The following PPIH variants were observed in gnomAD, a reference collection of about 807,000 sequenced individuals.
The protein encoded by PPIH is peptidyl-prolyl cis-trans isomerase H.
Under a neutral mutation model 27.6 loss-of-function variants are expected in PPIH, and 16 were observed. The observed-to-expected ratio is 0.58, with a 90% CI of 0.39 to 0.88. The LOEUF is 0.88. Among genes scored for constraint, PPIH ranks in the 40% least tolerant of loss-of-function variants. The pLI, the probability that PPIH is intolerant of heterozygous loss-of-function variation, is 0.00. For synonymous variants in PPIH, 63 were observed against 76.1 expected, an observed-to-expected ratio of 0.83 and a Z score of 0.90; for missense variants, 155 against 224.1, an observed-to-expected ratio of 0.69 and a Z score of 1.97.
chr1:42,671,628 G>A (rs1371186592), intron 9 of PPIH, among the ~76,000 whole-genome samples: 4 of 152,008 alleles, frequency 2.6e-5, no homozygotes, highest in Non-Finnish European at 5.9e-5. Flanking sequence ...TCCTGTGCCC[G>A]GATAATGAGC....
chr1:42,678,078 C>G (rs889840056), downstream of PPIH, among the ~76,000 whole-genome samples: 1 of 152,170 alleles, frequency 6.6e-6, no homozygotes, highest in Non-Finnish European at 1.5e-5. Context: ...ATTTGCAACT[C>G]TAGCCAAGGA....
chr1:42,660,799 T>G, intron 4 of PPIH, 63 bp from the exon 5 acceptor site: 1 of 1,344,694 alleles, frequency 7.4e-7, no homozygotes. Flanking sequence ...AATACAATAA[T>G]AACAACATCT....
chr1:42,671,097 A>G (rs1358121263), intron 9 of PPIH, among the ~76,000 whole-genome samples: 1 of 147,472 alleles, frequency 6.8e-6, no homozygotes, highest in Non-Finnish European at 1.5e-5. Context: ...TTCCCAGCCT[A>G]TTTTTTTTTT....
rs1392820946 is a variant in PPIH at position 42,669,044 on chromosome 1, T to C, written c.*21+1604T>C. Reference sequence around the variant, plus strand: ...GGGCAACCTGGTGAGATCCCGTCTTTCCAAAAAAAAAAAAAATTAGCCAGG... The same window carrying C: ...GGGCAACCTGGTGAGATCCCGTCTTCCCAAAAAAAAAAAAAATTAGCCAGG... On this transcript the variant is annotated intron_variant, in intron 9 of 9. Coordinates refer to ENST00000304979, the MANE Select transcript of PPIH (RefSeq NM_006347.4). Among the ~76,000 whole-genome samples the C allele has an allele frequency of 2.8e-5, 4 of 141,602 alleles. No individual in the cohort carries two copies. The Admixed American group carries it at 2.8e-4, about 10-fold the overall frequency. The allele number at this position is 141,602 out of a possible 152,430, so 92.9% of individuals were successfully genotyped here. A position where few individuals can be genotyped will look rare whatever the true frequency, so the allele number is the denominator to read the frequency against.
At chr1:42,664,540 G>A (rs1020678254) in intron 5 of PPIH, among the ~76,000 whole-genome samples, 5 of 152,188 alleles carry the variant, frequency 3.3e-5, no homozygotes, top group African/African-American at 1.2e-4. Flanking sequence ...AGAGTCTTCA[G>A]GAATGGCAAG....
intron 5 of PPIH, among the ~76,000 whole-genome samples, chr1:42,661,109 T>A (rs1362513846): frequency 6.6e-6 from 1 of 152,188 alleles, no homozygotes; most frequent in Admixed American, 6.5e-5. Context: ...TTTAGCACTT[T>A]GATTGAGGCA....
At chr1:42,666,636 C>G in intron 8 of PPIH, 49 bp downstream of exon 8, 1 of 1,574,368 alleles carries the variant, frequency 6.4e-7, no homozygotes, top group Non-Finnish European at 8.7e-7. Flanking sequence ...TGGTCTGGTA[C>G]TGTCTGACTA....
At chr1:42,660,638 C>G (rs1648955711) in intron 4 of PPIH, among the ~76,000 whole-genome samples, 1 of 152,192 alleles carries the variant, frequency 6.6e-6, no homozygotes, top group Non-Finnish European at 1.5e-5. Flanking sequence ...CCATGTTGGC[C>G]AGGCTGGTCT....
chr1:42,659,613 T>TG, intron 4 of PPIH, 47 bp downstream of exon 4: 2 of 1,592,076 alleles, frequency 1.3e-6, no homozygotes, highest in Non-Finnish European at 1.7e-6. Flanking sequence ...AAATATTTCC[T>TG]GGGGGATTAG....
rs960024387 is a variant in PPIH, at chr1:42,664,231, T to G, written c.244-632T>G. Among the ~76,000 whole-genome samples, 3 of 152,254 alleles carry G rather than the reference T, an allele frequency of 2.0e-5. No individual in the cohort carries two copies. The South Asian group carries it at 6.2e-4, about 32-fold the overall frequency. ...TAGTGCTCGCTACACATCTGTGTTG[T>G]GTTCTCTCTCTGTTCTCTAGCCCAG... On this transcript the variant is annotated intron_variant, in intron 5 of 9. Coordinates refer to ENST00000304979, the MANE Select transcript of PPIH (RefSeq NM_006347.4).
At position 42,658,922 on chromosome 1, in the gene PPIH, C is replaced by T. The variant is rs1363425393; in HGVS notation, c.131+14C>T. 2 of 1,613,464 alleles carry T rather than the reference C, an allele frequency of 1.2e-6. No individual in the cohort carries two copies. Among genetic ancestry groups the T allele is most frequent in the Non-Finnish European group, 1.7e-6 (2 of 1,179,484 alleles). ...CGAGAACTTTAGGTAAGGACGTGCTCCAGCTCCGCTGGATTAGCTGAGGCA... is the reference window on the plus strand; with the variant it reads ...CGAGAACTTTAGGTAAGGACGTGCTTCAGCTCCGCTGGATTAGCTGAGGCA... On this transcript the variant is annotated intron_variant, in intron 2 of 9. Coordinates refer to ENST00000304979, the MANE Select transcript of PPIH (RefSeq NM_006347.4).
chr1:42,666,559 A>G lies in PPIH; in HGVS notation c.437A>G (p.Asp146Gly). 1.2e-6 allele frequency: 2 copies of G among 1,613,904 alleles called. No homozygotes were observed. Among genetic ancestry groups the G allele is most frequent in the Non-Finnish European group, 1.7e-6 (2 of 1,179,842 alleles). Reference sequence around the variant, plus strand: ...GCTCTTCCTACAGGAAAAATCATCGATGGACTTCTAGTGATGAGAAAGATT... The same window carrying G: ...GCTCTTCCTACAGGAAAAATCATCGGTGGACTTCTAGTGATGAGAAAGATT... ...GKHVVFGKII[D>G]GLLVMRKIEN... is the part of the protein sequence containing the mutation. The change falls in exon 8 of 10, where the codon GAT becomes GGT. Residue 146 changes from aspartate to glycine, a missense_variant. Transcript: ENST00000304979.
intron 6 of PPIH, 132 bp from the exon 7 acceptor site, chr1:42,665,848 C>T: frequency 2.8e-6 from 2 of 724,286 alleles, no homozygotes; most frequent in South Asian, 3.3e-5. Context: ...GGCCCTGGCT[C>T]ATAATAGGTG....
chr1:42,667,380 C>T lies in PPIH; in HGVS notation c.495C>T (p.Pro165=). The T allele has an allele frequency of 6.2e-7, 1 of 1,609,486 alleles. No homozygotes were observed. The highest frequency in any genetic ancestry group is 8.5e-7 in the Non-Finnish European group (1 of 1,175,804). ...ENVPTGPNNK[P]KLPVVISQCG... is the part of the protein sequence containing the mutation. ...TTCCCACAGGCCCCAACAATAAGCC[C>T]AAGCTACCTGTGGTGATCTCGCAGT... Residue 165 remains proline, a synonymous_variant, in exon 9 of 10, where the codon CCC becomes CCT. Transcript: ENST00000304979.
At chr1:42,664,998 T>G in intron 6 of PPIH, 43 bp downstream of exon 6, 26 of 1,497,188 alleles carry the variant, frequency 1.7e-5, no homozygotes, top group Non-Finnish European at 2.0e-5. Context: ...AGCCAGCTGG[T>G]TCCTGGGCCC....
chr1:42,672,710 G>T (rs1328099690), intron 9 of PPIH, among the ~76,000 whole-genome samples: 1 of 149,476 alleles, frequency 6.7e-6, no homozygotes, highest in Non-Finnish European at 1.5e-5. Context: ...GCAGTGGCAC[G>T]ATCTCAGCTC....
chr1:42,662,619 C>T lies in PPIH; in HGVS notation c.243+1715C>T, dbSNP rs372555422. 4.6e-5 allele frequency among the ~76,000 whole-genome samples: 7 copies of T among 151,718 alleles called. No individual in the cohort carries two copies. In the East Asian group the frequency reaches 9.7e-4, roughly 21 times the overall value. ...AAGGCAAAATGGAATGAGCAAGAGTCAGAAAAATCAGAATTTGAGACCTTC... is the reference window on the plus strand; with the variant it reads ...AAGGCAAAATGGAATGAGCAAGAGTTAGAAAAATCAGAATTTGAGACCTTC... On this transcript the variant is annotated intron_variant, in intron 5 of 9. Transcript: ENST00000304979.
intron 1 of PPIH, 135 bp downstream of exon 1, chr1:42,658,647 C>T (rs1391176258): frequency 8.5e-7 from 1 of 1,174,078 alleles, no homozygotes. Context: ...ACCGACCTGC[C>T]GGGCGGGGGG....
At chr1:42,665,161 T>C (rs1254989794) in intron 6 of PPIH, among the ~76,000 whole-genome samples, 2 of 152,148 alleles carry the variant, frequency 1.3e-5, no homozygotes. Flanking sequence ...CCCAGCACTT[T>C]GGGAGGCTGA....
Sources: gnomAD v4.1 joint callset for allele counts (sites outside exome capture counted in the v4.1 genomes callset) on GRCh38, gnomAD v4.1.1 for gene constraint, MANE v1.5 for transcripts, NCBI Gene and HGNC (gene_info 2026-07-23, HGNC 2026-07-21) for gene names.